Variants in LY75 observed in about 807,000 individuals in gnomAD.
LY75 encodes lymphocyte antigen 75.
LY75 carries 185 observed loss-of-function variants against 231.7 expected under a neutral mutation model. The observed-to-expected ratio is 0.80, with a 90% CI of 0.71 to 0.90. The LOEUF is 0.90. LY75 is among the 40% of genes least tolerant of loss of function. The pLI is 0.00. For missense variants in LY75, 1,947 were observed against 2,050.2 expected (o/e 0.95, Z 0.97); for synonymous variants, 668 against 689.0 (o/e 0.97, Z 0.48).
chr2:159,877,029 A>AG (rs140620089), intron 11 of LY75, among the ~76,000 whole-genome samples: 1 of 66,470 alleles, frequency 1.5e-5, no homozygotes, highest in Non-Finnish European at 3.6e-5. Context: ...AAAAAAAAAA[A>AG]AAAAAGAAAA....
At chr2:159,830,463 T>C (rs1683615848) in intron 28 of LY75, among the ~76,000 whole-genome samples, 1 of 152,174 alleles carries the variant, frequency 6.6e-6, no homozygotes, top group South Asian at 2.1e-4. Context: ...AAACAAGACC[T>C]TGTTTCCTCT....
intron 28 of LY75, among the ~76,000 whole-genome samples, chr2:159,830,691 G>A (rs751729413): frequency 1.2e-4 from 18 of 150,166 alleles, no homozygotes; most frequent in Admixed American, 6.1e-4. Flanking sequence ...CCGGGTTCAA[G>A]TGATTCTCCT....
intron 21 of LY75, among the ~76,000 whole-genome samples, chr2:159,850,670 A>G (rs1684358660): frequency 6.7e-6 from 1 of 149,540 alleles, no homozygotes; most frequent in South Asian, 2.1e-4. Context: ...TCTGTTGCAC[A>G]GGCCGGAGTG....
chr2:159,842,488 A>C, intron 23 of LY75, 114 bp from the exon 24 acceptor site: 3 of 1,299,794 alleles, frequency 2.3e-6, no homozygotes, highest in Non-Finnish European at 3.0e-6. Context: ...AATTCCATGA[A>C]GGACCTGACC....
chr2:159,875,226 G>T (rs1685228866), intron 12 of LY75, among the ~76,000 whole-genome samples: 1 of 151,806 alleles, frequency 6.6e-6, no homozygotes, highest in South Asian at 2.1e-4. Context: ...GCCACTTCTG[G>T]CTTTGGGCCT....
At chr2:159,856,236 G>C (rs1040686869) in intron 16 of LY75, among the ~76,000 whole-genome samples, 1 of 152,136 alleles carries the variant, frequency 6.6e-6, no homozygotes, top group Non-Finnish European at 1.5e-5. Flanking sequence ...GGCATCATAG[G>C]TAATTTTCCT....
intron 27 of LY75, 56 bp from the exon 28 acceptor site, chr2:159,831,842 ATTT>A: frequency 1.4e-6 from 2 of 1,404,404 alleles, no homozygotes; most frequent in Non-Finnish European, 1.9e-6. Flanking sequence ...GTACACTTCT[ATTT>A]GATAAGTTTA....
intron 28 of LY75, among the ~76,000 whole-genome samples, chr2:159,823,948 A>G (rs1683379458): frequency 6.6e-6 from 1 of 152,236 alleles, no homozygotes; most frequent in African/African-American, 2.4e-5. Context: ...TCCTGAAGGA[A>G]GCACTAAACA....
chr2:159,886,558 G>A (rs778657253), intron 4 of LY75, 28 bp from the exon 5 acceptor site: 3 of 1,568,396 alleles, frequency 1.9e-6, no homozygotes, highest in East Asian at 2.3e-5. Flanking sequence ...TTTTTAAAAA[G>A]TGACAAAGTT....
chr2:159,833,386 G>A (rs532493197), intron 27 of LY75, among the ~76,000 whole-genome samples: 44 of 152,232 alleles, frequency 2.9e-4, no homozygotes, highest in Admixed American at 1.5e-3. Context: ...CAAAGAACTA[G>A]GATTACAGGC....
chr2:159,841,622 T>C (rs1390504410), intron 24 of LY75, among the ~76,000 whole-genome samples: 2 of 152,170 alleles, frequency 1.3e-5, no homozygotes, highest in Non-Finnish European at 2.9e-5. Context: ...ATTCTACTTT[T>C]ATTTGGATTA....
rs931727997 is a variant in LY75, at chr2:159,847,074, C to A, written c.3150+2906G>T. The stretch of plus-strand genomic sequence containing the variant: ...TCGCCCAGGCTGGAGTGCAATGACA[C>A]GATCTCAGCTCACTGCAACTTCCGC... On this transcript the variant is annotated intron_variant, in intron 23 of 34. Coordinates refer to ENST00000263636, the MANE Select transcript of LY75 (RefSeq NM_002349.4). 2.6e-5 allele frequency among the ~76,000 whole-genome samples: 4 copies of A among 152,184 alleles called. No individual in the cohort carries two copies. The South Asian group carries it at 6.2e-4, about 24-fold the overall frequency.
chr2:159,881,380 T>C, intron 7 of LY75, 140 bp from the exon 8 acceptor site: 1 of 1,036,174 alleles, frequency 9.7e-7, no homozygotes, highest in South Asian at 2.2e-5. Context: ...AATATGTTGA[T>C]ACGACAGGCA....
chr2:159,867,568 T>C (rs1684893783), intron 13 of LY75, among the ~76,000 whole-genome samples: 1 of 152,238 alleles, frequency 6.6e-6, no homozygotes, highest in Non-Finnish European at 1.5e-5. Context: ...AAAAGGTTAA[T>C]ATGTGTAATT....
At chr2:159,815,776 T>C (rs1280750006) in intron 30 of LY75, among the ~76,000 whole-genome samples, 1 of 152,232 alleles carries the variant, frequency 6.6e-6, no homozygotes, top group African/African-American at 2.4e-5. Flanking sequence ...ATACAGTTTA[T>C]GGAGAACTTT....
In LY75 at chr2:159,882,188, A is replaced by T; in HGVS notation, c.1182T>A (p.Ser394Arg). 1 of 1,614,040 alleles carries T rather than the reference A, an allele frequency of 6.2e-7. No homozygotes were observed. The highest frequency in any genetic ancestry group is 8.5e-7 in the Non-Finnish European group (1 of 1,179,924). ...KAHAKCKAFSSDLISIHSLAD... is the reference protein window; with the variant it reads ...KAHAKCKAFSRDLISIHSLAD... ...CTAGAGAATGAATGCTGATTAGGTC[A>T]CTACTGAAGGCTTTGCATTTCGCAT... Residue 394 changes from serine to arginine, a missense_variant, in exon 7 of 35, where the codon AGT becomes AGA. Ser to Arg is a moderately radical substitution (Grantham distance 110). Transcript: ENST00000263636.
At chr2:159,841,144 C>T (rs1439915676) in intron 24 of LY75, among the ~76,000 whole-genome samples, 189 bp from the exon 25 acceptor site, 1 of 152,142 alleles carries the variant, frequency 6.6e-6, no homozygotes, top group Non-Finnish European at 1.5e-5. Context: ...TGAGCTGCAA[C>T]ATTTGTTTTC....
intron 1 of LY75, among the ~76,000 whole-genome samples, chr2:159,900,422 T>C (rs72957580): frequency 0.065 from 9,937 of 152,302 alleles, 405 homozygotes; most frequent in Non-Finnish European, 0.095. Context: ...GCTGAAATAT[T>C]TTAGACAAGC....
rs752680522 is a variant in LY75, at chr2:159,875,602, C to T, written c.1816G>A (p.Val606Ile). 2 of 1,614,042 alleles carry T rather than the reference C, an allele frequency of 1.2e-6. No individual in the cohort carries two copies. Among genetic ancestry groups the T allele is most frequent in the Middle Eastern group, 1.7e-4 (1 of 6,060 alleles). ...GCVAMSTGKS[V>I]GKWEVKDCRS... ...CAGTCCTTCACCTCCCACTTTCCAA[C>T]AGACTTTCCAGTAGACATAGCCACG... The change falls in exon 12 of 35, where the codon GTT (valine) becomes ATT (isoleucine). Residue 606 changes from valine to isoleucine, a missense_variant. Transcript: ENST00000263636.
Sources: allele counts gnomAD v4.1 joint callset (sites outside exome capture counted in the v4.1 genomes callset), GRCh38; gene constraint gnomAD v4.1.1; transcripts MANE v1.5; gene names NCBI Gene and HGNC (gene_info 2026-07-23, HGNC 2026-07-21).